Variants in FRMPD4 observed in about 807,000 individuals in gnomAD.
FRMPD4 encodes the protein FERM and PDZ domain containing 4, also known as FERM and PDZ domain-containing protein 4.
A neutral mutation model predicts 94.1 loss-of-function variants in FRMPD4; 22 were observed. The observed-to-expected ratio is 0.23, with a 90% CI of 0.17 to 0.33. FRMPD4 has a LOEUF of 0.33. Ranked by LOEUF, FRMPD4 falls within the 10% of genes least tolerant of loss-of-function variation. FRMPD4 has a pLI of 1.00. For missense variants in FRMPD4, 1,111 were observed against 1,339.9 expected (o/e 0.83, Z 2.67); for synonymous variants, 631 against 548.6 (o/e 1.15, Z -2.10).
chrX:12,308,317 T>G (rs929735727), intron 1 of FRMPD4, among the ~76,000 whole-genome samples: 1 of 112,293 alleles, frequency 8.9e-6, no homozygotes, highest in East Asian at 2.8e-4. Flanking sequence ...TCCTGCAGTA[T>G]GCAGTTTTAG....
intron 1 of FRMPD4, among the ~76,000 whole-genome samples, chrX:12,243,452 G>A (rs2053906034): frequency 8.9e-6 from 1 of 112,238 alleles, no homozygotes; most frequent in Admixed American, 9.5e-5. Context: ...TGGCATACAT[G>A]TGCAAATTAA....
intron 3 of FRMPD4, among the ~76,000 whole-genome samples, chrX:11,976,813 C>T (rs1210743475): frequency 4.5e-5 from 5 of 112,139 alleles, no homozygotes; most frequent in African/African-American, 1.6e-4. Context: ...GGCTGTGATT[C>T]AGCAGCCTTT....
intron 3 of FRMPD4, among the ~76,000 whole-genome samples, chrX:12,077,272 G>C (rs2147479179): frequency 8.9e-6 from 1 of 111,758 alleles, no homozygotes; most frequent in African/African-American, 3.2e-5. Context: ...TTTGAATTGG[G>C]ACTGTTCTGC....
At chrX:12,629,831 T>C (rs2059379539) in intron 4 of FRMPD4, among the ~76,000 whole-genome samples, 1 of 112,370 alleles carries the variant, frequency 8.9e-6, no homozygotes, top group Non-Finnish European at 1.9e-5. Flanking sequence ...CTGTGTCAGA[T>C]GCTGTCATTA....
chrX:12,488,593 G>A (rs1268625310), intron 1 of FRMPD4, among the ~76,000 whole-genome samples: 1 of 108,498 alleles, frequency 9.2e-6, no homozygotes, highest in Non-Finnish European at 1.9e-5. Flanking sequence ...GAACTATAAT[G>A]TTCTATCTTT....
intron 1 of FRMPD4, among the ~76,000 whole-genome samples, chrX:12,389,988 G>A (rs959650751): frequency 8.9e-6 from 1 of 112,105 alleles, no homozygotes; most frequent in African/African-American, 3.2e-5. Flanking sequence ...GGGATCTAAC[G>A]AAATTGTGCC....
intron 1 of FRMPD4, among the ~76,000 whole-genome samples, chrX:12,393,460 C>T (rs1387500719): frequency 1.8e-5 from 2 of 111,910 alleles, no homozygotes; most frequent in Non-Finnish European, 3.8e-5. Flanking sequence ...ATAGGCTTGG[C>T]TTATCTTGCC....
chrX:11,972,888 A>G (rs757310541), intron 3 of FRMPD4, among the ~76,000 whole-genome samples: 5 of 112,774 alleles, frequency 4.4e-5, no homozygotes, highest in African/African-American at 1.6e-4. Flanking sequence ...GTGAAAGCTC[A>G]AAGATTTGGG....
intron 1 of FRMPD4, among the ~76,000 whole-genome samples, chrX:12,308,873 C>T (rs2054987175): frequency 1.8e-5 from 2 of 112,862 alleles, no homozygotes; most frequent in South Asian, 7.3e-4. Flanking sequence ...AACTGCCCAG[C>T]CAACTCCAGG....
Position 12,696,514 on chromosome X carries a change from C to T in FRMPD4, c.933+2060C>T, listed in dbSNP as rs948042086. 9.9e-5 allele frequency among the ~76,000 whole-genome samples: 10 copies of T among 101,114 alleles called. No individual in the cohort carries two copies. The East Asian group carries it at 2.7e-3, about 28-fold the overall frequency. 87.8% of individuals were successfully genotyped at this position (101,114 alleles called of 115,157 possible). A position where few individuals can be genotyped will look rare whatever the true frequency, so the allele number is the denominator to read the frequency against. ...ACATCTAGCAGTAGAACTAACTACT[C>T]GAAGAGGTTGCAAATCTAAACATAA... On this transcript the variant is annotated intron_variant, in intron 9 of 16. Coordinates refer to ENST00000675598, the MANE Select transcript of FRMPD4 (RefSeq NM_001368397.1).
intron 1 of FRMPD4, among the ~76,000 whole-genome samples, chrX:12,296,081 C>T (rs1022245766): frequency 1.8e-5 from 2 of 110,406 alleles, no homozygotes; most frequent in Non-Finnish European, 3.8e-5. Flanking sequence ...TGTAGTGTGC[C>T]CCCGCTTCCA....
chrX:12,065,604 G>T (rs1221560495), intron 3 of FRMPD4, among the ~76,000 whole-genome samples: 2 of 111,891 alleles, frequency 1.8e-5, no homozygotes, highest in East Asian at 5.6e-4. Context: ...TTTGTGTGTT[G>T]CTGCAGCAGT....
intron 3 of FRMPD4, among the ~76,000 whole-genome samples, chrX:11,924,157 A>G (rs1445727805): frequency 8.9e-6 from 1 of 112,215 alleles, no homozygotes; most frequent in African/African-American, 3.2e-5. Flanking sequence ...TAATAGCAGA[A>G]TAGACCAAGT....
At chrX:12,381,492 T>C (rs1348815893) in intron 1 of FRMPD4, among the ~76,000 whole-genome samples, 2 of 112,130 alleles carry the variant, frequency 1.8e-5, no homozygotes, top group Non-Finnish European at 3.8e-5. Flanking sequence ...TGAAGTGTTA[T>C]TCTCTTTACT....
At chrX:12,680,171 C>T (rs2147099496) in intron 5 of FRMPD4, among the ~76,000 whole-genome samples, 1 of 112,338 alleles carries the variant, frequency 8.9e-6, no homozygotes, top group Non-Finnish European at 1.9e-5. Context: ...ATTCCACACA[C>T]TATTGTGGCC....
intron 3 of FRMPD4, among the ~76,000 whole-genome samples, chrX:12,025,521 C>T (rs1337199589): frequency 8.9e-6 from 1 of 112,001 alleles, no homozygotes; most frequent in Non-Finnish European, 1.9e-5. Context: ...AATCTCCTCC[C>T]TTGTGTACAG....
intron 1 of FRMPD4, among the ~76,000 whole-genome samples, chrX:11,836,787 G>C (rs1424123011): frequency 2.7e-5 from 3 of 111,597 alleles, no homozygotes; most frequent in Non-Finnish European, 5.7e-5. Context: ...GCAAATGTAT[G>C]CTTTTTCTTC....
In FRMPD4 at chrX:11,930,107, C is replaced by CAAAAAAAAAAAAAAAAA. The variant is rs55973946; in HGVS notation, c.95+52100_95+52116dup. 6.8e-4 allele frequency among the ~76,000 whole-genome samples: 9 copies of CAAAAAAAAAAAAAAAAA among 13,257 alleles called. 2 individuals are homozygous for CAAAAAAAAAAAAAAAAA. The highest frequency in any genetic ancestry group is 5.0e-3 in the East Asian group (2 of 400). The allele number at this position is 13,257 out of a possible 115,157, so 11.5% of individuals were successfully genotyped here. A position where few individuals can be genotyped will look rare whatever the true frequency, so the allele number is the denominator to read the frequency against. ...TGGGCAACAGAGTGAGACTCTGTCTCAAAAAAAAAAAAAAAAAAAAAAAAA... is the reference window on the plus strand; with the variant it reads ...TGGGCAACAGAGTGAGACTCTGTCTCAAAAAAAAAAAAAAAAAAAAAAAAAAAAAAAAAAAAAAAAAA... On this transcript the variant is annotated intron_variant, in intron 3 of 18. Coordinates refer to the FRMPD4 transcript ENST00000640291.
At chrX:12,500,425 A>T (rs1449941885) in intron 2 of FRMPD4, among the ~76,000 whole-genome samples, 1 of 111,748 alleles carries the variant, frequency 8.9e-6, no homozygotes, top group Non-Finnish European at 1.9e-5. Flanking sequence ...GGGACAACAC[A>T]TGTGAGTGTT....
Sources: allele counts gnomAD v4.1 joint callset (sites outside exome capture counted in the v4.1 genomes callset), GRCh38; gene constraint gnomAD v4.1.1; transcripts MANE v1.5; gene names NCBI Gene and HGNC (gene_info 2026-07-23, HGNC 2026-07-21).